The following LMBR1L variants were observed in gnomAD, a reference collection of about 807,000 sequenced individuals.
LMBR1L encodes the protein protein LMBR1L.
In LMBR1L, 47 loss-of-function variants were observed where a neutral mutation model predicts 67.3. The ratio of observed to expected loss-of-function variants is 0.70; its 90% CI spans 0.55 to 0.89. The LOEUF (loss-of-function observed/expected upper bound fraction) is 0.89. Among genes scored for constraint, LMBR1L ranks in the 40% least tolerant of loss-of-function variants. The pLI, the probability that LMBR1L is intolerant of heterozygous loss-of-function variation, is 0.00. For missense variants in LMBR1L, 533 were observed against 599.2 expected (o/e 0.89, Z 1.15); for synonymous variants, 247 against 250.3 (o/e 0.99, Z 0.13).
intron 8 of LMBR1L, 131 bp from the exon 9 acceptor site, chr12:49,102,671 C>T: frequency 9.9e-7 from 1 of 1,010,658 alleles, no homozygotes; most frequent in Admixed American, 2.1e-5. Flanking sequence ...ACCCTGTGGC[C>T]CGCAGCTTTG....
intron 8 of LMBR1L, 37 bp from the exon 9 acceptor site, chr12:49,102,577 G>A (rs1940343708): frequency 1.9e-6 from 3 of 1,604,104 alleles, no homozygotes; most frequent in South Asian, 1.1e-5. Context: ...AACTGTCAGA[G>A]GCTCCCTGAC....
At chr12:49,097,773 T>A (rs1236377135) in intron 16 of LMBR1L, 34 bp from the exon 17 acceptor site, 2 of 1,613,380 alleles carry the variant, frequency 1.2e-6, no homozygotes, top group African/African-American at 2.7e-5. Context: ...CAAAAGCAAG[T>A]CAAAGGTCCA....
At chr12:49,103,052 A>G (rs1272490479) in intron 7 of LMBR1L, 39 bp downstream of exon 7, 2 of 1,610,430 alleles carry the variant, frequency 1.2e-6, no homozygotes, top group African/African-American at 1.3e-5. Flanking sequence ...CTCTGGTCCA[A>G]GGACCCTGCC....
intron 5 of LMBR1L, 100 bp from the exon 6 acceptor site, chr12:49,103,913 A>G (rs1043432155): frequency 6.9e-6 from 9 of 1,300,500 alleles, no homozygotes; most frequent in African/African-American, 1.5e-5. Context: ...GTTTGGATTC[A>G]GGAGGTAAGA....
intron 2 of LMBR1L, chr12:49,106,621 G>A (rs973822709): frequency 7.5e-6 from 10 of 1,338,562 alleles, no homozygotes; most frequent in Non-Finnish European, 6.9e-6. Context: ...CAGAGCCTGT[G>A]CCCGTAATGA....
chr12:49,100,933 T>C, intron 13 of LMBR1L: 1 of 545,158 alleles, frequency 1.8e-6, no homozygotes, highest in East Asian at 3.5e-5. Context: ...TTCACCATGT[T>C]GCTCAGGCTG....
chr12:49,110,521 C>T lies in LMBR1L; in HGVS notation c.35G>A (p.Arg12Gln), dbSNP rs747803321. 1 of 1,614,132 alleles carries T rather than the reference C, an allele frequency of 6.2e-7. No homozygotes were observed. The highest frequency in any genetic ancestry group is 8.5e-7 in the Non-Finnish European group (1 of 1,179,984). Residue 12 changes from arginine to glutamine, a missense_variant, in exon 1 of 17, where the codon CGA (arginine) becomes CAA (glutamine). Physicochemically the swap from Arg to Gln is conservative, Grantham distance 43. This residue lies in a region of LMBR1L where 246 missense variants were observed against 249.0 expected (regional missense o/e 0.99). Transcript: ENST00000267102. ...GATCCTCTCGTGGAATAGCTGTTCTCGCACGGATAGCACTTCGTAGTCAGG... is the reference window on the plus strand; with the variant it reads ...GATCCTCTCGTGGAATAGCTGTTCTTGCACGGATAGCACTTCGTAGTCAGG... ...EAPDYEVLSV[R>Q]EQLFHERIRE...
Position 49,097,427 on chromosome 12 carries a change from T to G in LMBR1L, c.*245A>C. The G allele has an allele frequency of 3.7e-6, 2 of 542,944 alleles. No homozygotes were observed. Among genetic ancestry groups the G allele is most frequent in the Non-Finnish European group, 3.3e-6 (1 of 300,022 alleles). The allele number at this position is 542,944 out of a possible 1,614,324, so 33.6% of individuals were successfully genotyped here. ...GATTGATGTGTAAACAGATTTGGGA[T>G]CAGGGGCTAGACCCAGTCACCCAGC... On this transcript the variant is annotated 3_prime_UTR_variant, in exon 17 of 17. Coordinates refer to ENST00000267102, the MANE Select transcript of LMBR1L (RefSeq NM_018113.4).
chr12:49,102,178 G>A lies in LMBR1L; in HGVS notation c.872C>T (p.Ser291Leu). Residue 291 changes from serine (S) to leucine (L), a missense_variant, in exon 11 of 17, where the codon TCA (serine) becomes TTA (leucine). By Grantham distance (145) the Ser-to-Leu change is moderately radical. This residue lies in a region of LMBR1L where 64 missense variants were observed against 109.0 expected (regional missense o/e 0.59). Transcript: ENST00000267102. ...RVLLEKRRKASAWQRNLGYPL... is the reference protein window; with the variant it reads ...RVLLEKRRKALAWQRNLGYPL... ...GTAGCCCAGGTTCCGTTGCCAGGCT[G>A]AAGCCTTCCGCCTCTTCTCTGTGCA... 6.2e-7 allele frequency: 1 copy of A among 1,614,194 alleles called. No homozygotes were observed. The highest frequency in any genetic ancestry group is 8.5e-7 in the Non-Finnish European group (1 of 1,180,028).
Position 49,110,652 on chromosome 12 carries a change from G to C in LMBR1L, c.-97C>G. On this transcript the variant is annotated 5_prime_UTR_variant, in exon 1 of 17. Transcript: ENST00000267102. ...CGCCAAGCACCCAGACCCAGCCTAG[G>C]GGCCTTTCCTCGCAGCCTGCGACAG... 1 of 1,051,636 alleles carries C rather than the reference G, an allele frequency of 9.5e-7. No individual in the cohort carries two copies. The allele number at this position is 1,051,636 out of a possible 1,614,324, so 65.1% of individuals were successfully genotyped here. A position where few individuals can be genotyped will look rare whatever the true frequency, so the allele number is the denominator to read the frequency against.
chr12:49,097,468 G>A lies in LMBR1L; in HGVS notation c.*204C>T, dbSNP rs1457709865. ...GTCACCCAGCCCTACCCCATGCTGAGGCCACAGTTAAGTATGGAAAAGCAG... is the reference window on the plus strand; with the variant it reads ...GTCACCCAGCCCTACCCCATGCTGAAGCCACAGTTAAGTATGGAAAAGCAG... On this transcript the variant is annotated 3_prime_UTR_variant, in exon 17 of 17. Transcript: ENST00000267102. 1 of 596,836 alleles carries A rather than the reference G, an allele frequency of 1.7e-6. No individual in the cohort carries two copies. The highest frequency in any genetic ancestry group is 3.0e-6 in the Non-Finnish European group (1 of 333,954). 37.0% of individuals were successfully genotyped at this position (596,836 alleles called of 1,614,324 possible).
At chr12:49,108,465 G>A (rs547184819) in intron 1 of LMBR1L, among the ~76,000 whole-genome samples, 38 of 151,844 alleles carry the variant, frequency 2.5e-4, no homozygotes, top group Non-Finnish European at 5.1e-4. Context: ...GAGAGGCTGA[G>A]GCAGGAGAAT....
chr12:49,110,496 G>A lies in LMBR1L; in HGVS notation c.60C>T (p.Ile20=), dbSNP rs754555508. The A allele has an allele frequency of 5.6e-5, 90 of 1,613,850 alleles. No homozygotes were observed. Among genetic ancestry groups the A allele is most frequent in the Non-Finnish European group, 7.3e-5 (86 of 1,179,936 alleles). ...SVREQLFHER[I]RECIISTLLF... ...GCCCCGCACTCACAATACACTCGCG[G>A]ATCCTCTCGTGGAATAGCTGTTCTC... The change falls in exon 1 of 17, where the codon ATC becomes ATT. Residue 20 remains isoleucine (I), a synonymous_variant. Transcript: ENST00000267102.
chr12:49,108,459 G>A (rs1009083081), intron 1 of LMBR1L, among the ~76,000 whole-genome samples: 5 of 151,808 alleles, frequency 3.3e-5, no homozygotes, highest in Admixed American at 2.6e-4. Flanking sequence ...CTACTTGAGA[G>A]GCTGAGGCAG....
chr12:49,109,066 G>A (rs960956839), intron 1 of LMBR1L, among the ~76,000 whole-genome samples: 6 of 152,168 alleles, frequency 3.9e-5, no homozygotes, highest in African/African-American at 1.2e-4. Context: ...GGGCTCAAAA[G>A]GTCAGGCTGG....
At chr12:49,108,831 G>A (rs564221088) in intron 1 of LMBR1L, among the ~76,000 whole-genome samples, 1 of 152,268 alleles carries the variant, frequency 6.6e-6, no homozygotes, top group Admixed American at 6.5e-5. Flanking sequence ...AGTCTCATGG[G>A]TCTTCCAGTC....
At chr12:49,101,420 C>T in intron 12 of LMBR1L, 52 bp downstream of exon 12, 1 of 1,607,094 alleles carries the variant, frequency 6.2e-7, no homozygotes, top group Non-Finnish European at 8.5e-7. Flanking sequence ...CTCCTCTCCC[C>T]AGCTGTTCTT....
intron 16 of LMBR1L, 77 bp from the exon 17 acceptor site, chr12:49,097,816 A>G: frequency 6.2e-7 from 1 of 1,600,104 alleles, no homozygotes; most frequent in South Asian, 1.1e-5. Context: ...AAGCCACAGA[A>G]TGTGTGGATG....
In LMBR1L at chr12:49,102,451, G is replaced by A; in HGVS notation, c.769+17C>T. The A allele has an allele frequency of 1.9e-6, 3 of 1,614,096 alleles. No homozygotes were observed. The highest frequency in any genetic ancestry group is 1.3e-5 in the African/African-American group (1 of 75,052). On this transcript the variant is annotated intron_variant, in intron 9 of 16. Coordinates refer to ENST00000267102, the MANE Select transcript of LMBR1L (RefSeq NM_018113.4). The stretch of plus-strand genomic sequence containing the variant: ...AGGCCAAGCCTACCACCCCAGCAGG[G>A]AAGAACTGCAACTTACTACAGATCC...
Sources: gnomAD v4.1 joint callset for allele counts (sites outside exome capture counted in the v4.1 genomes callset) on GRCh38, gnomAD v4.1.1 for gene constraint, gnomAD v4.1.1 regional missense constraint, MANE v1.5 for transcripts, NCBI Gene and HGNC (gene_info 2026-07-23, HGNC 2026-07-21) for gene names.